The following STK33 variants were observed in gnomAD, a reference collection of about 807,000 sequenced individuals.
The protein encoded by STK33 is serine/threonine-protein kinase 33.
STK33 carries 52 observed loss-of-function variants against 58.0 expected under a neutral mutation model. The ratio of observed to expected loss-of-function variants is 0.90; its 90% CI spans 0.72 to 1.13. The LOEUF (loss-of-function observed/expected upper bound fraction) is 1.13. Among genes scored for constraint, STK33 ranks in the 50% most tolerant of loss-of-function variants. The pLI is 0.00. For synonymous variants in STK33, 215 were observed against 200.1 expected (o/e 1.07, Z -0.63); for missense variants, 630 against 604.2 (o/e 1.04, Z -0.45).
intron 11 of STK33, among the ~76,000 whole-genome samples, chr11:8,447,404 C>A (rs533567341): frequency 6.6e-5 from 10 of 152,180 alleles, no homozygotes; most frequent in Admixed American, 2.6e-4. Context: ...ACTGGCAAAC[C>A]AAATCCAGCA....
At chr11:8,402,443 C>T (rs1938228451) in intron 15 of STK33, among the ~76,000 whole-genome samples, 1 of 152,062 alleles carries the variant, frequency 6.6e-6, no homozygotes, top group South Asian at 2.1e-4. Context: ...GGAAGGGGAA[C>T]ATCACACACC....
At chr11:8,383,430 G>C in the STK33 span, among the ~76,000 whole-genome samples, 9 of 152,204 alleles carry the variant, frequency 5.9e-5, no homozygotes, top group Non-Finnish European at 1.3e-4. Flanking sequence ...CCAACCCCAG[G>C]AACGTGTCAT....
the STK33 span, among the ~76,000 whole-genome samples, chr11:8,365,122 A>G: frequency 6.6e-6 from 1 of 152,180 alleles, no homozygotes; most frequent in Non-Finnish European, 1.5e-5. Context: ...CTCTAGACCC[A>G]GGGGGACGTG....
At chr11:8,593,888 C>T (rs899650292) in intron 1 of STK33, 195 bp downstream of exon 1, 4 of 152,324 alleles carry the variant, frequency 2.6e-5, no homozygotes, top group African/African-American at 7.2e-5. Flanking sequence ...GGCTGGGCCC[C>T]AGGAGACACT....
intron 1 of STK33, among the ~76,000 whole-genome samples, chr11:8,564,307 T>G (rs1957309698): frequency 6.6e-6 from 1 of 152,196 alleles, no homozygotes; most frequent in South Asian, 2.1e-4. Flanking sequence ...TGGGCATTGA[T>G]GGATTAAAAA....
At chr11:8,442,950 G>A (rs1264856417) in intron 11 of STK33, among the ~76,000 whole-genome samples, 1 of 152,166 alleles carries the variant, frequency 6.6e-6, no homozygotes, top group South Asian at 2.1e-4. Context: ...CAGTGGTTAT[G>A]GGTGGGGGAT....
chr11:8,550,642 T>C (rs1406727305), intron 1 of STK33, among the ~76,000 whole-genome samples: 1 of 152,208 alleles, frequency 6.6e-6, no homozygotes, highest in Non-Finnish European at 1.5e-5. Context: ...AGGTGAAAAA[T>C]GCCACTGGCT....
chr11:8,395,245 G>A (rs895401703), intron 15 of STK33, among the ~76,000 whole-genome samples: 1 of 152,180 alleles, frequency 6.6e-6, no homozygotes, highest in East Asian at 1.9e-4. Context: ...GGAGGTAATT[G>A]AATCACAGGG....
the STK33 span, among the ~76,000 whole-genome samples, chr11:8,349,988 T>C: frequency 1.3e-5 from 2 of 152,270 alleles, no homozygotes; most frequent in African/African-American, 4.8e-5. Context: ...ATGCACAGGT[T>C]AGGCCAAGAG....
the STK33 span, among the ~76,000 whole-genome samples, chr11:8,358,635 AG>A: frequency 6.6e-6 from 1 of 152,078 alleles, no homozygotes; most frequent in Non-Finnish European, 1.5e-5. Flanking sequence ...GGACAGTGAG[AG>A]GGGGCGGGTG....
At chr11:8,379,683 G>A in the STK33 span, among the ~76,000 whole-genome samples, 1 of 152,154 alleles carries the variant, frequency 6.6e-6, no homozygotes, top group Non-Finnish European at 1.5e-5. Flanking sequence ...AGGTAAACTT[G>A]TGTCATGGGC....
chr11:8,391,167 C>T (rs1848616113), downstream of STK33, among the ~76,000 whole-genome samples: 1 of 152,156 alleles, frequency 6.6e-6, no homozygotes, highest in African/African-American at 2.4e-5. Flanking sequence ...GACTGGCTTA[C>T]TAAACCCTGA....
At chr11:8,461,717 G>A (rs1947542202) in intron 8 of STK33, 88 bp downstream of exon 8, 1 of 1,026,368 alleles carries the variant, frequency 9.7e-7, no homozygotes. Context: ...ATGAGCAACT[G>A]TGCCCCAAAG....
chr11:8,487,930 C>T (rs747070929), intron 1 of STK33, among the ~76,000 whole-genome samples: 5 of 152,288 alleles, frequency 3.3e-5, no homozygotes, highest in Middle Eastern at 3.4e-3. Context: ...CAACAAGCTT[C>T]GTGGCATTTT....
chr11:8,386,728 G>A, the STK33 span, among the ~76,000 whole-genome samples: 15 of 152,162 alleles, frequency 9.9e-5, no homozygotes, highest in African/African-American at 2.9e-4. Flanking sequence ...GCGCCTAACC[G>A]TCCTCTAAAG....
chr11:8,371,935 G>C, the STK33 span, among the ~76,000 whole-genome samples: 1 of 150,722 alleles, frequency 6.6e-6, no homozygotes, highest in Non-Finnish European at 1.5e-5. Flanking sequence ...GCCCAGGCTG[G>C]AGTGCAGTGG....
intron 11 of STK33, among the ~76,000 whole-genome samples, chr11:8,444,477 C>T (rs756292419): frequency 1.4e-4 from 22 of 151,906 alleles, no homozygotes; most frequent in Admixed American, 1.2e-3. Flanking sequence ...ATTTTTAATA[C>T]CTAGAACAAT....
At chr11:8,496,471 A>C (rs1375180019) in intron 1 of STK33, among the ~76,000 whole-genome samples, 1 of 152,190 alleles carries the variant, frequency 6.6e-6, no homozygotes, top group Non-Finnish European at 1.5e-5. Context: ...TACAAAATTT[A>C]ATGTGTTTAA....
At chr11:8,501,266 G>A (rs1319824190) in intron 1 of STK33, among the ~76,000 whole-genome samples, 1 of 151,998 alleles carries the variant, frequency 6.6e-6, no homozygotes, top group Non-Finnish European at 1.5e-5. Context: ...CCACAGACTT[G>A]GAGAAAATAT....
Sources: gnomAD v4.1 joint callset for allele counts (sites outside exome capture counted in the v4.1 genomes callset) on GRCh38, gnomAD v4.1.1 for gene constraint, MANE v1.5 for transcripts, NCBI Gene and HGNC (gene_info 2026-07-23, HGNC 2026-07-21) for gene names.